The following DEPTOR variants were observed in gnomAD, a reference collection of about 807,000 sequenced individuals.
DEPTOR encodes the protein DEP domain containing MTOR interacting protein.
In DEPTOR, 41 loss-of-function variants were observed where a neutral mutation model predicts 41.6. The ratio of observed to expected loss-of-function variants is 0.98; its 90% CI spans 0.77 to 1.28. The LOEUF is 1.28. DEPTOR is among the 50% of genes most tolerant of loss of function. DEPTOR has a pLI of 0.00. For missense variants in DEPTOR, 514 were observed against 527.9 expected, an observed-to-expected ratio of 0.97 and a Z score of 0.26; for synonymous variants, 195 against 192.3, an observed-to-expected ratio of 1.01 and a Z score of -0.12.
intron 8 of DEPTOR, among the ~76,000 whole-genome samples, chr8:120,010,348 C>T (rs1812511291): frequency 6.6e-6 from 1 of 152,126 alleles, no homozygotes; most frequent in Non-Finnish European, 1.5e-5. Flanking sequence ...GGTATGGTGG[C>T]TCATGCCTGT....
Position 120,046,027 on chromosome 8 carries a change from A to G in DEPTOR, c.1102-3549A>G, listed in dbSNP as rs114854355. Among the ~76,000 whole-genome samples the G allele has an allele frequency of 3.3e-3, 509 of 152,182 alleles. 1 individual carries two copies. The highest frequency in any genetic ancestry group is 0.012 in the African/African-American group (480 of 41,514). ...TTCTGAGGCCTCCAAGAGCTCTGCAATCAAGAGGTGCACAGGACCCCATCT... is the reference window on the plus strand; with the variant it reads ...TTCTGAGGCCTCCAAGAGCTCTGCAGTCAAGAGGTGCACAGGACCCCATCT... On this transcript the variant is annotated intron_variant, in intron 8 of 8. Coordinates refer to ENST00000286234, the MANE Select transcript of DEPTOR (RefSeq NM_022783.4).
intron 8 of DEPTOR, among the ~76,000 whole-genome samples, chr8:120,036,486 C>T (rs1812981319): frequency 6.6e-6 from 1 of 152,174 alleles, no homozygotes; most frequent in African/African-American, 2.4e-5. Flanking sequence ...ACTCCACAGC[C>T]AGTTGCATAC....
chr8:120,043,828 A>G (rs1813115405), intron 8 of DEPTOR, among the ~76,000 whole-genome samples: 1 of 152,038 alleles, frequency 6.6e-6, no homozygotes, highest in Non-Finnish European at 1.5e-5. Flanking sequence ...CCTCGCCAAC[A>G]TGGTGAAACC....
intron 1 of DEPTOR, among the ~76,000 whole-genome samples, chr8:119,924,178 G>T (rs4871787): frequency 0.5 from 75,762 of 151,776 alleles, 20,578 homozygotes; most frequent in African/African-American, 0.7. Context: ...CTTCTGAGGT[G>T]TTGTTCAACT....
At chr8:119,948,304 T>C (rs754489285) in intron 3 of DEPTOR, among the ~76,000 whole-genome samples, 2 of 152,030 alleles carry the variant, frequency 1.3e-5, no homozygotes, top group Non-Finnish European at 1.5e-5. Flanking sequence ...TCCCGCTCCT[T>C]GGGAGGCTGA....
chr8:119,981,124 C>G (rs1367081275), intron 4 of DEPTOR, among the ~76,000 whole-genome samples: 1 of 152,206 alleles, frequency 6.6e-6, no homozygotes, highest in African/African-American at 2.4e-5. Context: ...TTCCAAACAA[C>G]TGTTCTATGG....
intron 1 of DEPTOR, among the ~76,000 whole-genome samples, chr8:119,908,788 G>A (rs1385506992): frequency 1.3e-5 from 2 of 152,220 alleles, no homozygotes; most frequent in Non-Finnish European, 2.9e-5. Context: ...TTGTCCCTGA[G>A]CTTCCCTTGT....
At chr8:119,923,625 C>T (rs531595708) in intron 1 of DEPTOR, among the ~76,000 whole-genome samples, 25 of 152,164 alleles carry the variant, frequency 1.6e-4, no homozygotes, top group African/African-American at 5.1e-4. Context: ...TTTATTTGTC[C>T]TGACAGTTTA....
intron 4 of DEPTOR, among the ~76,000 whole-genome samples, chr8:119,978,350 C>T (rs555015979): frequency 4.6e-5 from 7 of 152,212 alleles, no homozygotes; most frequent in South Asian, 4.2e-4. Flanking sequence ...GTCTCAGGCT[C>T]GCTAGAAGAG....
intron 8 of DEPTOR, among the ~76,000 whole-genome samples, chr8:120,031,050 T>C (rs1053721045): frequency 1.3e-4 from 20 of 152,156 alleles, no homozygotes; most frequent in Non-Finnish European, 7.4e-5. Context: ...AAAATACTAG[T>C]GAGGCACAGT....
intron 1 of DEPTOR, among the ~76,000 whole-genome samples, chr8:119,906,915 A>G (rs956286034): frequency 5.3e-5 from 8 of 152,148 alleles, no homozygotes; most frequent in South Asian, 4.1e-4. Flanking sequence ...TGTGCATTAC[A>G]TGGTGCCTGT....
chr8:119,950,652 A>G (rs1828340372), intron 3 of DEPTOR, among the ~76,000 whole-genome samples: 1 of 151,856 alleles, frequency 6.6e-6, no homozygotes, highest in South Asian at 2.1e-4. Context: ...GCTGGAGTGC[A>G]GTGGTGCAAT....
chr8:119,943,902 A>G (rs1179696103), intron 3 of DEPTOR, among the ~76,000 whole-genome samples: 1 of 152,076 alleles, frequency 6.6e-6, no homozygotes, highest in East Asian at 1.9e-4. Flanking sequence ...CAGTGGCTCA[A>G]TCTTGGCTCA....
At chr8:119,933,143 C>T (rs947399574) in intron 3 of DEPTOR, among the ~76,000 whole-genome samples, 10 of 151,992 alleles carry the variant, frequency 6.6e-5, no homozygotes, top group African/African-American at 1.5e-4. Flanking sequence ...GGACTCATGC[C>T]GCTCTCACCC....
intron 8 of DEPTOR, among the ~76,000 whole-genome samples, chr8:120,037,004 C>G (rs887051331): frequency 7.2e-5 from 11 of 151,970 alleles, no homozygotes; most frequent in African/African-American, 2.7e-4. Flanking sequence ...TTAATTTTTC[C>G]TTTGTGATCT....
At chr8:120,024,823 G>T (rs1812774353) in intron 8 of DEPTOR, among the ~76,000 whole-genome samples, 1 of 152,118 alleles carries the variant, frequency 6.6e-6, no homozygotes, top group Admixed American at 6.5e-5. Context: ...TCCAGTTTTT[G>T]GTACTTTGTT....
chr8:119,916,601 A>T (rs1827818613), intron 1 of DEPTOR, among the ~76,000 whole-genome samples: 1 of 152,238 alleles, frequency 6.6e-6, no homozygotes, highest in Admixed American at 6.5e-5. Flanking sequence ...GCTCAGGAGC[A>T]GCCCTTTAGA....
chr8:119,978,135 C>G (rs1828719620), intron 4 of DEPTOR, among the ~76,000 whole-genome samples: 1 of 152,170 alleles, frequency 6.6e-6, no homozygotes, highest in African/African-American at 2.4e-5. Context: ...CACCCAGTGT[C>G]CCCTGCAGTA....
intron 3 of DEPTOR, among the ~76,000 whole-genome samples, chr8:119,961,846 C>G (rs757294784): frequency 6.6e-6 from 1 of 151,972 alleles, no homozygotes; most frequent in Non-Finnish European, 1.5e-5. Flanking sequence ...AAAGAGACAG[C>G]CAGACTTTCA....
Sources: gnomAD v4.1 joint callset for allele counts (sites outside exome capture counted in the v4.1 genomes callset) on GRCh38, gnomAD v4.1.1 for gene constraint, MANE v1.5 for transcripts, NCBI Gene and HGNC (gene_info 2026-07-23, HGNC 2026-07-21) for gene names.